Variants in TYMP observed in about 807,000 individuals in gnomAD.
The protein encoded by TYMP is gliostatin.
A neutral mutation model predicts 42.3 loss-of-function variants in TYMP; 46 were observed. The ratio of observed to expected loss-of-function variants is 1.09; its 90% CI spans 0.86 to 1.39. The LOEUF (loss-of-function observed/expected upper bound fraction) is 1.39. TYMP is among the 40% of genes most tolerant of loss of function. The pLI is 0.00. For synonymous variants in TYMP, 363 were observed against 308.0 expected (o/e 1.18, Z -1.87); for missense variants, 837 against 677.6 (o/e 1.24, Z -2.61).
In TYMP at chr22:50,526,561, C is replaced by G; in HGVS notation, c.928+15G>C. The G allele has an allele frequency of 1.3e-6, 2 of 1,562,024 alleles. No homozygotes were observed. Among genetic ancestry groups the G allele is most frequent in the Non-Finnish European group, 1.7e-6 (2 of 1,154,566 alleles). Reference sequence around the variant, plus strand: ...CCCCCGCCGCCTCCGCTCCCCTACACCCCGTCCCCCTCACCGAGCGTGGTG... The same window carrying G: ...CCCCCGCCGCCTCCGCTCCCCTACAGCCCGTCCCCCTCACCGAGCGTGGTG... On this transcript the variant is annotated intron_variant, in intron 7 of 9. Transcript: ENST00000252029.
At chr22:50,527,387 T>G (rs2069430297) in intron 5 of TYMP, 104 bp from the exon 6 acceptor site, 1 of 1,251,506 alleles carries the variant, frequency 8.0e-7, no homozygotes, top group South Asian at 1.2e-5. Flanking sequence ...GCATTGAGGG[T>G]CAAGTCCCTT....
Position 50,526,562 on chromosome 22 carries a change from C to T in TYMP, c.928+14G>A. On this transcript the variant is annotated intron_variant, in intron 7 of 9. Coordinates refer to ENST00000252029, the MANE Select transcript of TYMP (RefSeq NM_001953.5). ...CCCCGCCGCCTCCGCTCCCCTACAC[C>T]CCGTCCCCCTCACCGAGCGTGGTGA... 6.4e-7 allele frequency: 1 copy of T among 1,562,928 alleles called. No individual in the cohort carries two copies. Among genetic ancestry groups the T allele is most frequent in the African/African-American group, 1.4e-5 (1 of 73,728 alleles).
chr22:50,529,458 C>A lies in TYMP; in HGVS notation c.214+38G>T, dbSNP rs1467245268. ...ACCCAAAGTCTCTCGGGCTGACCTC[C>A]CAGTCGGGGTCAGGAACGCCCAACC... On this transcript the variant is annotated intron_variant, in intron 2 of 9. Coordinates refer to ENST00000252029, the MANE Select transcript of TYMP (RefSeq NM_001953.5). The A allele has an allele frequency of 2.5e-6, 4 of 1,609,620 alleles. No homozygotes were observed. The South Asian group carries it at 4.4e-5, about 18-fold the overall frequency.
At chr22:50,528,929 A>G in intron 3 of TYMP, 1 of 641,408 alleles carries the variant, frequency 1.6e-6, no homozygotes, top group South Asian at 1.8e-5. Context: ...TTCCTGCTCC[A>G]AGGGGCCTGG....
At position 50,529,688 on chromosome 22, in the gene TYMP, C is replaced by G; in HGVS notation, c.22G>C (p.Gly8Arg). The G allele has an allele frequency of 6.2e-7, 1 of 1,611,192 alleles. No individual in the cohort carries two copies. MAALMTP[G>R]TGAPPAPGDF... ...CCAGGCGCGGGTGGGGCCCCGGTTC[C>G]CGGGGTCATCAAGGCTGCCATCGCT... Residue 8 changes from glycine to arginine, a missense_variant, in exon 2 of 10, where the codon GGA becomes CGA. Coordinates refer to ENST00000252029, the MANE Select transcript of TYMP (RefSeq NM_001953.5).
At position 50,529,236 on chromosome 22, in the gene TYMP, T is replaced by C; in HGVS notation, c.317A>G (p.Glu106Gly). 6.2e-7 allele frequency: 1 copy of C among 1,613,266 alleles called. No homozygotes were observed. Among genetic ancestry groups the C allele is most frequent in the Non-Finnish European group, 8.5e-7 (1 of 1,180,000 alleles). Residue 106 changes from glutamate to glycine, a missense_variant, in exon 3 of 10, where the codon GAG becomes GGG. Glu to Gly is a moderately conservative substitution (Grantham distance 98). Coordinates refer to ENST00000252029, the MANE Select transcript of TYMP (RefSeq NM_001953.5). Reference protein sequence around the residue: ...AQSGQQLEWPEAWRQQLVDKH... With the variant: ...AQSGQQLEWPGAWRQQLVDKH... ...GTCCACAAGCTGCTGGCGCCAGGCC[T>C]CTGGCCACTCCAGCTGCTGTCCCGA...
At chr22:50,527,375 G>T in intron 5 of TYMP, 92 bp from the exon 6 acceptor site, 2 of 1,286,744 alleles carry the variant, frequency 1.6e-6, no homozygotes, top group Non-Finnish European at 2.3e-6. Context: ...CAGGGGCCCT[G>T]AGCATTGAGG....
At chr22:50,526,853 A>G in intron 6 of TYMP, 115 bp from the exon 7 acceptor site, 1 of 1,135,126 alleles carries the variant, frequency 8.8e-7, no homozygotes, top group Non-Finnish European at 1.2e-6. Flanking sequence ...GCATGAAGTC[A>G]GGGAAGGATT....
chr22:50,527,534 T>C, intron 5 of TYMP, 54 bp downstream of exon 5: 1 of 1,613,254 alleles, frequency 6.2e-7, no homozygotes. Context: ...TTGACTTGAG[T>C]TTGGAGGTCA....
At chr22:50,527,888 A>T in intron 4 of TYMP, 171 bp from the exon 5 acceptor site, 2 of 712,474 alleles carry the variant, frequency 2.8e-6, no homozygotes, top group Non-Finnish European at 2.2e-6. Context: ...TGATCCTCCC[A>T]CCTCAGCTTC....
At position 50,529,168 on chromosome 22, in the gene TYMP, G is replaced by A; in HGVS notation, c.385C>T (p.Leu129Phe). The change falls in exon 3 of 10, where the codon CTC becomes TTC. Residue 129 changes from leucine (L) to phenylalanine (F), a missense_variant. By Grantham distance (22) the Leu-to-Phe change is conservative. Transcript: ENST00000252029. ...GGVGDKVSLV[L>F]APALAACGCK... ...CCACATGCCGCCAGGGCAGGTGCGA[G>A]GACCAGGCTGACCTTGTCACCCACA... 1 of 1,613,260 alleles carries A rather than the reference G, an allele frequency of 6.2e-7. No homozygotes were observed. Among genetic ancestry groups the A allele is most frequent in the African/African-American group, 1.3e-5 (1 of 75,040 alleles).
chr22:50,529,335 G>A lies in TYMP; in HGVS notation c.218C>T (p.Ala73Val). 6.2e-7 allele frequency: 1 copy of A among 1,613,190 alleles called. No homozygotes were observed. Among genetic ancestry groups the A allele is most frequent in the African/African-American group, 1.3e-5 (1 of 75,048 alleles). The change falls in exon 3 of 10, where the codon GCC becomes GTC. Residue 73 changes from alanine to valine, a missense_variant. By Grantham distance (64) the Ala-to-Val change is moderately conservative (BLOSUM62 0). Coordinates refer to ENST00000252029, the MANE Select transcript of TYMP (RefSeq NM_001953.5). ...NGSAQGAQIG[A>V]MLMAIRLRGM... ...CCGAAGTCGGATGGCCATCAGCATGGCCCCTGGTATGTGGGGGTACGCGTG... is the reference window on the plus strand; with the variant it reads ...CCGAAGTCGGATGGCCATCAGCATGACCCCTGGTATGTGGGGGTACGCGTG...
intron 3 of TYMP, chr22:50,528,918 T>C (rs2069488376): frequency 3.2e-6 from 2 of 630,518 alleles, no homozygotes; most frequent in Non-Finnish European, 5.6e-6. Context: ...AGTGGATCTT[T>C]TTCCTGCTCC....
In TYMP at chr22:50,526,258, C is replaced by A. The variant is rs771700483; in HGVS notation, c.1147G>T (p.Ala383Ser). 2 of 1,536,108 alleles carry A rather than the reference C, an allele frequency of 1.3e-6. No homozygotes were observed. The highest frequency in any genetic ancestry group is 1.7e-6 in the Non-Finnish European group (2 of 1,151,698). The change falls in exon 8 of 10, where the codon GCG (alanine) becomes TCG (serine). Residue 383 changes from alanine (A) to serine (S), a missense_variant. Transcript: ENST00000252029. ...CCCCGACGCTCACCATCTGCGGGCG[C>A]CAGCAGCTCCTCCTGCTCCCGGGCG... Reference protein sequence around the residue: ...PRAREQEELLAPADGTVELVR... With the variant: ...PRAREQEELLSPADGTVELVR...
chr22:50,526,512 C>G, intron 7 of TYMP, 36 bp from the exon 8 acceptor site: 1 of 1,528,472 alleles, frequency 6.5e-7, no homozygotes, highest in Non-Finnish European at 8.8e-7. Flanking sequence ...GCGGCCGGGT[C>G]GGGGCGGCCC....
In TYMP at chr22:50,526,083, G is replaced by C; in HGVS notation, c.1218C>G (p.Ala406=). ...GCGGCTCCCCAGCGCGGCTGCGCCC[G>C]GCCCCGAGCTCGTGCAGCACCAGCG... ...PLALVLHELG[A]GRSRAGEPLR... is the part of the protein sequence containing the mutation. Residue 406 remains alanine, a synonymous_variant, in exon 9 of 10, where the codon GCC becomes GCG. Coordinates refer to ENST00000252029, the MANE Select transcript of TYMP (RefSeq NM_001953.5). 2.0e-6 allele frequency: 3 copies of C among 1,484,176 alleles called. No individual in the cohort carries two copies. Among genetic ancestry groups the C allele is most frequent in the South Asian group, 2.5e-5 (2 of 78,650 alleles). 91.9% of individuals were successfully genotyped at this position (1,484,176 alleles called of 1,614,324 possible).
rs759527995 is a variant in TYMP at position 50,526,763 on chromosome 22, A to AC, written c.766-26dup. ...CCTGCGGAGAGGAGGCTCAGCGTGG[A>AC]CCCCCCATGGCGGGGCCTTCTGCAG... On this transcript the variant is annotated intron_variant, in intron 6 of 9. Transcript: ENST00000252029. The AC allele has an allele frequency of 1.0e-4, 156 of 1,531,878 alleles. 3 individuals are homozygous for AC. The highest frequency in any genetic ancestry group is 8.4e-4 in the African/African-American group (61 of 72,906). 94.9% of individuals were successfully genotyped at this position (1,531,878 alleles called of 1,614,324 possible).
Position 50,529,305 on chromosome 22 carries a change from A to G in TYMP, c.248T>C (p.Met83Thr), listed in dbSNP as rs1478117838. The G allele has an allele frequency of 6.2e-7, 1 of 1,613,302 alleles. No homozygotes were observed. Among genetic ancestry groups the G allele is most frequent in the Admixed American group, 1.7e-5 (1 of 60,002 alleles). Residue 83 changes from methionine (M) to threonine (T), a missense_variant, in exon 3 of 10, where the codon ATG becomes ACG. Met to Thr is a moderately conservative substitution (Grantham distance 81). Coordinates refer to ENST00000252029, the MANE Select transcript of TYMP (RefSeq NM_001953.5). ...CAGCACCGAGGTCTCCTCCAGATCCATGCCCCGAAGTCGGATGGCCATCAG... is the reference window on the plus strand; with the variant it reads ...CAGCACCGAGGTCTCCTCCAGATCCGTGCCCCGAAGTCGGATGGCCATCAG... ...AMLMAIRLRG[M>T]DLEETSVLTQ...
intron 8 of TYMP, 39 bp downstream of exon 8, chr22:50,526,207 T>TGGCGGAGGCGGAAGGACGGGGAC: frequency 6.7e-7 from 1 of 1,492,742 alleles, no homozygotes. Context: ...GGGAAGGGGA[T>TGGCGGAGGCGGAAGGACGGGGAC]GGCGGAGGCG....
Sources: gnomAD v4.1 joint callset for allele counts on GRCh38, gnomAD v4.1.1 for gene constraint, MANE v1.5 for transcripts, NCBI Gene and HGNC (gene_info 2026-07-23, HGNC 2026-07-21) for gene names.